Variants in TMEM163 observed in about 807,000 individuals in gnomAD.
The protein encoded by TMEM163 is transmembrane protein 163.
A neutral mutation model predicts 29.3 loss-of-function variants in TMEM163; 17 were observed. The ratio of observed to expected loss-of-function variants is 0.58; its 90% CI spans 0.40 to 0.87. TMEM163 has a LOEUF of 0.87. TMEM163 is among the 40% of genes least tolerant of loss of function. TMEM163 has a pLI of 0.00. For synonymous variants in TMEM163, 157 were observed against 160.6 expected (o/e 0.98, Z 0.17); for missense variants, 303 against 381.5 (o/e 0.79, Z 1.71).
chr2:134,632,889 C>T (rs1342504763), intron 2 of TMEM163, among the ~76,000 whole-genome samples: 6 of 151,696 alleles, frequency 4.0e-5, no homozygotes, highest in East Asian at 3.9e-4. Context: ...ACGACAGGCA[C>T]CCGCCACCAC....
intron 2 of TMEM163, among the ~76,000 whole-genome samples, chr2:134,693,163 C>A (rs1202626503): frequency 6.6e-6 from 1 of 152,148 alleles, no homozygotes; most frequent in Non-Finnish European, 1.5e-5. Context: ...CCCTCCCCAC[C>A]CTCTAGGCTC....
At chr2:134,528,618 C>T (rs1246769325) in intron 4 of TMEM163, among the ~76,000 whole-genome samples, 2 of 152,136 alleles carry the variant, frequency 1.3e-5, no homozygotes, top group Admixed American at 1.3e-4. Flanking sequence ...ATTCTTAAGC[C>T]ATTTGAAAAG....
chr2:134,489,576 A>T lies in TMEM163; in HGVS notation c.555+13325T>A, dbSNP rs565265163. Reference sequence around the variant, plus strand: ...TGGCAACAGAGCAAGACTCTCTCTCAAAAAAAAAAAAAAAGTTGCAGTGTG... The same window carrying T: ...TGGCAACAGAGCAAGACTCTCTCTCTAAAAAAAAAAAAAAGTTGCAGTGTG... On this transcript the variant is annotated intron_variant, in intron 5 of 7. Coordinates refer to ENST00000281924, the MANE Select transcript of TMEM163 (RefSeq NM_030923.5). Among the ~76,000 whole-genome samples, 80 of 109,498 alleles carry T rather than the reference A, an allele frequency of 7.3e-4. 2 individuals carry two copies. The South Asian group carries it at 0.027, about 37-fold the overall frequency. 71.8% of individuals were successfully genotyped at this position (109,498 alleles called of 152,430 possible). A position where few individuals can be genotyped will look rare whatever the true frequency, so the allele number is the denominator to read the frequency against.
intron 6 of TMEM163, among the ~76,000 whole-genome samples, chr2:134,464,084 T>G (rs1686609941): frequency 6.6e-6 from 1 of 152,150 alleles, no homozygotes; most frequent in Non-Finnish European, 1.5e-5. Context: ...TCTAAGTAGG[T>G]TTGGTTTCAT....
At chr2:134,594,867 C>CTCTCTCTCTACT (rs1682029809) in intron 2 of TMEM163, among the ~76,000 whole-genome samples, 1 of 151,758 alleles carries the variant, frequency 6.6e-6, no homozygotes, top group South Asian at 2.1e-4. Flanking sequence ...CTCTCTCTCT[C>CTCTCTCTCTACT]TCTCTCTCTC....
Position 134,694,064 on chromosome 2 carries a change from C to T in TMEM163, c.322+19136G>A, listed in dbSNP as rs80072246. ...CCCTAACTTTTCTGAGTCTTAAAAT[C>T]CCCATCTACAAAGTGGGGATGATAA... On this transcript the variant is annotated intron_variant, in intron 2 of 7. Coordinates refer to ENST00000281924, the MANE Select transcript of TMEM163 (RefSeq NM_030923.5). Among the ~76,000 whole-genome samples, 109 of 152,236 alleles carry T rather than the reference C, an allele frequency of 7.2e-4. 2 individuals carry two copies. In the East Asian group the frequency reaches 0.015, roughly 20 times the overall value.
intron 2 of TMEM163, among the ~76,000 whole-genome samples, chr2:134,628,026 T>C (rs1682890400): frequency 6.6e-6 from 1 of 152,234 alleles, no homozygotes; most frequent in Admixed American, 6.5e-5. Context: ...ACGGGTTTAT[T>C]ATATATCATT....
At chr2:134,690,757 ATT>A (rs1423506740) in intron 2 of TMEM163, among the ~76,000 whole-genome samples, 1 of 152,232 alleles carries the variant, frequency 6.6e-6, no homozygotes, top group African/African-American at 2.4e-5. Context: ...TTACACAGCT[ATT>A]CTCAAGGCTG....
chr2:134,642,164 G>A (rs753563495), intron 2 of TMEM163, among the ~76,000 whole-genome samples: 5 of 150,958 alleles, frequency 3.3e-5, no homozygotes, highest in African/African-American at 7.3e-5. Context: ...TTGCTCTGTC[G>A]CCCAGGCTGG....
intron 4 of TMEM163, among the ~76,000 whole-genome samples, chr2:134,519,135 A>G (rs1297403121): frequency 4.6e-5 from 7 of 152,192 alleles, no homozygotes; most frequent in Non-Finnish European, 1.0e-4. Flanking sequence ...AGTAGCCCAC[A>G]ATTCCGTGTT....
intron 2 of TMEM163, among the ~76,000 whole-genome samples, chr2:134,602,201 T>C (rs1015111597): frequency 6.6e-6 from 1 of 152,152 alleles, no homozygotes; most frequent in African/African-American, 2.4e-5. Flanking sequence ...GGGATGCAGT[T>C]TGTGGTGTGG....
chr2:134,562,922 G>A (rs1574240205), intron 2 of TMEM163, among the ~76,000 whole-genome samples: 1 of 152,224 alleles, frequency 6.6e-6, no homozygotes, highest in Admixed American at 6.5e-5. Flanking sequence ...TTTAGACCAT[G>A]CTAGGAGAAG....
chr2:134,682,862 A>C (rs981115004), intron 2 of TMEM163, among the ~76,000 whole-genome samples: 9 of 152,236 alleles, frequency 5.9e-5, no homozygotes, highest in African/African-American at 2.2e-4. Context: ...AAAACCTGGA[A>C]GCAACCAAGA....
intron 2 of TMEM163, among the ~76,000 whole-genome samples, chr2:134,711,205 T>C (rs149154401): frequency 2.9e-4 from 44 of 152,330 alleles, no homozygotes; most frequent in African/African-American, 1.0e-3. Flanking sequence ...GGAAGAGATT[T>C]TAAATACTGC....
chr2:134,590,432 C>T (rs140385721), intron 2 of TMEM163, among the ~76,000 whole-genome samples: 3 of 152,128 alleles, frequency 2.0e-5, no homozygotes, highest in Admixed American at 6.5e-5. Flanking sequence ...GTTACTGACC[C>T]CATCACTTAC....
chr2:134,526,453 C>A (rs776106001), intron 4 of TMEM163, among the ~76,000 whole-genome samples: 52 of 152,144 alleles, frequency 3.4e-4, no homozygotes, highest in Non-Finnish European at 7.2e-4. Context: ...CCCCATAAAT[C>A]GGAGAAGGTT....
chr2:134,674,369 G>C (rs1684059359), intron 2 of TMEM163, among the ~76,000 whole-genome samples: 1 of 118,184 alleles, frequency 8.5e-6, no homozygotes, highest in Non-Finnish European at 1.7e-5. Context: ...TTTTGAGACA[G>C]AGTATCGCTC....
chr2:134,483,300 C>T (rs951372474), intron 5 of TMEM163, among the ~76,000 whole-genome samples: 7 of 152,062 alleles, frequency 4.6e-5, no homozygotes, highest in African/African-American at 1.7e-4. Context: ...CCCTGGTGGC[C>T]GTCGGGCATT....
chr2:134,499,396 G>A (rs1233683405), intron 5 of TMEM163, among the ~76,000 whole-genome samples: 8 of 152,192 alleles, frequency 5.3e-5, no homozygotes, highest in South Asian at 2.1e-4. Flanking sequence ...TTTCAGAGAC[G>A]GCTCTGCGGA....
Sources: allele counts gnomAD v4.1 joint callset (sites outside exome capture counted in the v4.1 genomes callset), GRCh38; gene constraint gnomAD v4.1.1; transcripts MANE v1.5; gene names NCBI Gene and HGNC (gene_info 2026-07-23, HGNC 2026-07-21).